Variants in TASP1 observed in about 807,000 individuals in gnomAD.
TASP1 encodes the protein threonine aspartase 1.
A neutral mutation model predicts 56.6 loss-of-function variants in TASP1; 16 were observed. That is an observed-to-expected ratio of 0.28 (90% CI 0.19 to 0.43). The LOEUF is 0.43. TASP1 is among the 20% of genes least tolerant of loss of function. The probability of loss-of-function intolerance (pLI) is 1.00; values close to 1 mark genes in which losing one functional copy is unlikely to be tolerated. For synonymous variants in TASP1, 179 were observed against 184.2 expected (o/e 0.97, Z 0.23); for missense variants, 393 against 511.6 (o/e 0.77, Z 2.24).
At chr20:13,393,018 A>G (rs1300926998) in intron 13 of TASP1, 3 of 583,702 alleles carry the variant, frequency 5.1e-6, no homozygotes, top group African/African-American at 3.7e-5. Context: ...TGCAGCAGGG[A>G]GCCAAAAGGG....
At chr20:13,186,226 C>T in the TASP1 span, among the ~76,000 whole-genome samples, 3 of 152,190 alleles carry the variant, frequency 2.0e-5, no homozygotes, top group South Asian at 4.2e-4. Flanking sequence ...TCCCTCCTGG[C>T]TCTGGCTGGG....
chr20:13,221,212 C>CCCTCCTCCTCCTCCTCCTCCTCCTCCT, the TASP1 span, among the ~76,000 whole-genome samples: 65 of 78,938 alleles, frequency 8.2e-4, 3 homozygotes, highest in African/African-American at 2.3e-3. Flanking sequence ...GCAGCTGAAG[C>CCCTCCTCCTCCTCCTCCTCCTCCTCCT]CCTCCTACTC....
the TASP1 span, chr20:13,159,906 A>G: frequency 2.8e-6 from 4 of 1,434,622 alleles, no homozygotes; most frequent in East Asian, 9.3e-5. Flanking sequence ...AAAAGAAAAA[A>G]GAAAAAATCA....
the TASP1 span, among the ~76,000 whole-genome samples, chr20:13,105,529 T>A: frequency 2.0e-4 from 31 of 152,350 alleles, no homozygotes; most frequent in South Asian, 1.5e-3. Flanking sequence ...TCTTTAGGAC[T>A]CGTGGTGTTC....
the TASP1 span, among the ~76,000 whole-genome samples, chr20:13,151,671 G>C: frequency 6.6e-6 from 1 of 152,332 alleles, no homozygotes; most frequent in African/African-American, 2.4e-5. Context: ...CACAATTAAG[G>C]TGTCACAGAA....
At chr20:13,577,160 G>T (rs1219539358) in intron 6 of TASP1, among the ~76,000 whole-genome samples, 1 of 152,074 alleles carries the variant, frequency 6.6e-6, no homozygotes, top group Non-Finnish European at 1.5e-5. Flanking sequence ...GGAACAAGGA[G>T]TACATGTTAA....
chr20:13,341,051 G>C, the TASP1 span, among the ~76,000 whole-genome samples: 1 of 152,146 alleles, frequency 6.6e-6, no homozygotes, highest in Non-Finnish European at 1.5e-5. Flanking sequence ...CAGACCTACA[G>C]CTTGGGGAAT....
intron 11 of TASP1, 98 bp from the exon 12 acceptor site, chr20:13,435,252 G>T (rs1600784442): frequency 1.2e-6 from 1 of 864,378 alleles, no homozygotes; most frequent in African/African-American, 1.7e-5. Context: ...GCATGAATAA[G>T]AAAATGCCCA....
Position 13,574,463 on chromosome 20 carries a change from A to G in TASP1, c.489-4877T>C, listed in dbSNP as rs146065421. On this transcript the variant is annotated intron_variant, in intron 6 of 13. Coordinates refer to ENST00000337743, the MANE Select transcript of TASP1 (RefSeq NM_017714.3). ...AAATTACCAAGTATGCAAAATAGGA[A>G]GAAAGGTAACCTATTATGAGGTGAA... 2.0e-3 allele frequency among the ~76,000 whole-genome samples: 300 copies of G among 152,338 alleles called. 1 individual carries two copies. Among genetic ancestry groups the G allele is most frequent in the Non-Finnish European group, 3.2e-3 (219 of 68,024 alleles).
chr20:13,306,564 CAAAAAA>C, the TASP1 span, among the ~76,000 whole-genome samples: 34 of 63,908 alleles, frequency 5.3e-4, no homozygotes, highest in Non-Finnish European at 8.2e-4. Context: ...GGAGAAAGGA[CAAAAAA>C]AAAAAAAAAA....
the TASP1 span, among the ~76,000 whole-genome samples, chr20:13,162,368 A>C: frequency 6.6e-6 from 1 of 152,184 alleles, no homozygotes; most frequent in African/African-American, 2.4e-5. Flanking sequence ...ACAACTTCTT[A>C]ATTGCTGCAA....
the TASP1 span, among the ~76,000 whole-genome samples, chr20:13,210,616 CGT>C: frequency 0.24 from 34,580 of 147,064 alleles, 3,995 homozygotes; most frequent in African/African-American, 0.26. Flanking sequence ...CATGTGCACA[CGT>C]GTGTGTGTGT....
At chr20:13,315,324 C>T in the TASP1 span, among the ~76,000 whole-genome samples, 3 of 152,000 alleles carry the variant, frequency 2.0e-5, no homozygotes, top group East Asian at 1.9e-4. Flanking sequence ...TATAAGGCCA[C>T]GTAGAAAGGT....
rs573409620 is a variant in TASP1, at chr20:13,530,415, T to C, written c.796-1904A>G. On this transcript the variant is annotated intron_variant, in intron 9 of 13. Transcript: ENST00000337743. ...AGCCCTTCAGAAGTGATTTAGAATA[T>C]GAATTTATAAATAAACTGGCAGACT... 5.9e-5 allele frequency among the ~76,000 whole-genome samples: 9 copies of C among 152,340 alleles called. No homozygotes were observed. The East Asian group carries it at 9.7e-4, about 16-fold the overall frequency.
At chr20:13,476,156 T>G (rs375384820) in intron 11 of TASP1, among the ~76,000 whole-genome samples, 1 of 152,138 alleles carries the variant, frequency 6.6e-6, no homozygotes, top group African/African-American at 2.4e-5. Context: ...ATAAATAAAG[T>G]CTTTGGTAGT....
the TASP1 span, among the ~76,000 whole-genome samples, chr20:13,231,384 C>T: frequency 6.6e-6 from 1 of 152,332 alleles, no homozygotes; most frequent in East Asian, 1.9e-4. Context: ...AAGGTCACGC[C>T]TAGGCAAAGC....
the TASP1 span, among the ~76,000 whole-genome samples, chr20:13,194,026 G>A: frequency 6.6e-6 from 1 of 152,184 alleles, no homozygotes; most frequent in Non-Finnish European, 1.5e-5. Flanking sequence ...ACAGAAAAAG[G>A]TAGACCAACT....
At chr20:13,379,215 G>A in the TASP1 span, among the ~76,000 whole-genome samples, 134 of 152,300 alleles carry the variant, frequency 8.8e-4, no homozygotes, top group Non-Finnish European at 1.2e-3. Context: ...GCTGGTATTG[G>A]TTTTACCTTT....
At chr20:13,214,544 CACACACACACACACACACAG>C in the TASP1 span, among the ~76,000 whole-genome samples, 2 of 131,902 alleles carry the variant, frequency 1.5e-5, no homozygotes, top group African/African-American at 3.4e-5. Context: ...CACACACACA[CACACACACACACACACACAG>C]AGAGAGAGAG....
Sources: allele counts gnomAD v4.1 joint callset (sites outside exome capture counted in the v4.1 genomes callset), GRCh38; gene constraint gnomAD v4.1.1; transcripts MANE v1.5; gene names NCBI Gene and HGNC (gene_info 2026-07-23, HGNC 2026-07-21).